Variants in FLNB observed in about 807,000 individuals in gnomAD.
FLNB encodes the protein filamin-B.
A neutral mutation model predicts 250.6 loss-of-function variants in FLNB; 111 were observed. The observed-to-expected ratio is 0.44, with a 90% confidence interval of 0.38 to 0.52. The LOEUF (loss-of-function observed/expected upper bound fraction) is 0.52. Ranked by LOEUF, FLNB falls within the 20% of genes least tolerant of loss-of-function variation. The pLI, the probability that FLNB is intolerant of heterozygous loss-of-function variation, is 0.00. For synonymous variants in FLNB, 1,302 were observed against 1,372.1 expected (o/e 0.95, Z 1.13); for missense variants, 2,869 against 3,447.8 (o/e 0.83, Z 4.20).
At chr3:58,010,180 T>C (rs1326148830) in intron 1 of FLNB, among the ~76,000 whole-genome samples, 1 of 152,130 alleles carries the variant, frequency 6.6e-6, no homozygotes, top group East Asian at 1.9e-4. Context: ...GATCTCTTCC[T>C]AAGGAGAACC....
At chr3:58,143,344 T>C (rs2097330340) in intron 31 of FLNB, 129 bp from the exon 32 acceptor site, 9 of 938,324 alleles carry the variant, frequency 9.6e-6, no homozygotes, top group Admixed American at 6.0e-5. Context: ...GGGACTTGAA[T>C]GTTTTAGGCA....
intron 5 of FLNB, 114 bp from the exon 6 acceptor site, chr3:58,096,027 G>A (rs536980145): frequency 1.0e-5 from 8 of 790,432 alleles, no homozygotes; most frequent in South Asian, 2.9e-5. Context: ...ACAGGAGCTC[G>A]CCAGCACCTT....
rs767113535 is a variant in FLNB at position 58,105,207 on chromosome 3, G to T, written c.1738G>T (p.Gly580Trp). Residue 580 changes from glycine to tryptophan, a missense_variant, in exon 11 of 46, where the codon GGG (glycine) becomes TGG (tryptophan). Transcript: ENST00000295956. ...GGTAGAATCCATTGGCTCTGAAGTGGGGTCTCTGGGTAAGTGGACACAGCT... is the reference window on the plus strand; with the variant it reads ...GGTAGAATCCATTGGCTCTGAAGTGTGGTCTCTGGGTAAGTGGACACAGCT... ...FVVESIGSEVGSLGFAIEGPS... is the reference protein window; with the variant it reads ...FVVESIGSEVWSLGFAIEGPS... 13 of 1,614,184 alleles carry T rather than the reference G, an allele frequency of 8.1e-6. No individual in the cohort carries two copies. Among genetic ancestry groups the T allele is most frequent in the Non-Finnish European group, 6.8e-6 (8 of 1,180,024 alleles).
intron 1 of FLNB, among the ~76,000 whole-genome samples, chr3:58,015,741 C>A (rs2097104858): frequency 6.6e-6 from 1 of 152,056 alleles, no homozygotes. Flanking sequence ...AGCTTCAGAT[C>A]CTGCTGTCTG....
At chr3:58,028,898 T>C (rs1264223568) in intron 1 of FLNB, among the ~76,000 whole-genome samples, 1 of 151,830 alleles carries the variant, frequency 6.6e-6, no homozygotes, top group Non-Finnish European at 1.5e-5. Flanking sequence ...TTACAGGCGA[T>C]AGCCACTGCA....
intron 1 of FLNB, among the ~76,000 whole-genome samples, chr3:58,069,846 CT>C (rs2106917865): frequency 6.6e-6 from 1 of 152,022 alleles, no homozygotes; most frequent in African/African-American, 2.4e-5. Flanking sequence ...TTTCAACCAC[CT>C]GTTAATTCAC....
At chr3:58,163,584 C>T in intron 43 of FLNB, 1 of 520,832 alleles carries the variant, frequency 1.9e-6, no homozygotes. Context: ...AGATTCCTTC[C>T]TCTGCCAAGT....
At position 58,082,068 on chromosome 3, in the gene FLNB, C is replaced by T. The variant is rs3772998; in HGVS notation, c.787+292C>T. 0.23 allele frequency among the ~76,000 whole-genome samples: 35,193 copies of T among 151,916 alleles called. 6,150 individuals are homozygous for T. Among genetic ancestry groups the T allele is most frequent in the African/African-American group, 0.47 (19,528 of 41,354 alleles). ...GAAGAGGAATCGCGGGGTAGGGAGT[C>T]GGGGGAGTTTGGTCTTGCCCCAGAT... is the stretch of plus-strand genomic sequence containing the variant. On this transcript the variant is annotated intron_variant, in intron 4 of 45. Transcript: ENST00000295956.
chr3:58,127,381 C>T (rs2097299758), intron 24 of FLNB, among the ~76,000 whole-genome samples: 2 of 151,680 alleles, frequency 1.3e-5, no homozygotes. Flanking sequence ...GTGCTTGGCT[C>T]CTTATTCATG....
At chr3:58,109,970 G>C (rs2097265729) in intron 15 of FLNB, 40 bp from the exon 16 acceptor site, 2 of 1,613,004 alleles carry the variant, frequency 1.2e-6, no homozygotes, top group East Asian at 4.5e-5. Context: ...AGGACATGCT[G>C]TTTCTTGTAA....
At position 58,014,206 on chromosome 3, in the gene FLNB, C is replaced by T. The variant is rs182679989; in HGVS notation, c.292+5350C>T. 2.0e-4 allele frequency among the ~76,000 whole-genome samples: 30 copies of T among 152,296 alleles called. 1 individual carries two copies. The Middle Eastern group carries it at 0.014, about 69-fold the overall frequency. ...ACACTGAAAGGGCATTTGAAATCAGCGCGCTCTGGGGAGAACAGCTTGGTT... is the reference window on the plus strand; with the variant it reads ...ACACTGAAAGGGCATTTGAAATCAGTGCGCTCTGGGGAGAACAGCTTGGTT... On this transcript the variant is annotated intron_variant, in intron 1 of 45. Coordinates refer to ENST00000295956, the MANE Select transcript of FLNB (RefSeq NM_001457.4).
At chr3:58,073,176 T>TTTATTTATTTATTTAC (rs879445920) in intron 1 of FLNB, among the ~76,000 whole-genome samples, 2,734 of 151,740 alleles carry the variant, frequency 0.018, 60 homozygotes, top group Non-Finnish European at 0.029. Flanking sequence ...TATTTATTTA[T>TTTATTTATTTATTTAC]TTACTTATTT....
intron 1 of FLNB, among the ~76,000 whole-genome samples, chr3:58,069,730 C>T (rs182955238): frequency 1.4e-4 from 21 of 152,246 alleles, no homozygotes; most frequent in Non-Finnish European, 2.1e-4. Context: ...TTCGCTGCAG[C>T]GTTAGGGGTC....
At position 58,135,862 on chromosome 3, in the gene FLNB, G is replaced by A. The variant is rs2097315031; in HGVS notation, c.4672-117G>A. On this transcript the variant is annotated intron_variant, in intron 27 of 45. Coordinates refer to ENST00000295956, the MANE Select transcript of FLNB (RefSeq NM_001457.4). ...ACAAAACAAAACTAGATTGTATTAA[G>A]CCATCAATTCTGTCTGTTTCCACTA... 82 of 1,036,908 alleles carry A rather than the reference G, an allele frequency of 7.9e-5. No individual in the cohort carries two copies. In the South Asian group the frequency reaches 1.1e-3, roughly 13 times the overall value. 64.2% of individuals were successfully genotyped at this position (1,036,908 alleles called of 1,614,324 possible). A position where few individuals can be genotyped will look rare whatever the true frequency, so the allele number is the denominator to read the frequency against.
Position 58,123,284 on chromosome 3 carries a change from G to A in FLNB, c.3318G>A (p.Glu1106=). Residue 1106 remains glutamate, a synonymous_variant, in exon 21 of 46, where the codon GAG becomes GAA. Transcript: ENST00000295956. ...SVSYLPTKPG[E]YFVNILFEEV... is the part of the protein sequence containing the mutation. The stretch of plus-strand genomic sequence containing the variant: ...CTTACCTTCCCACAAAACCCGGGGA[G>A]TACTTCGTCAACATCCTCTTTGAAG... 3 of 1,614,168 alleles carry A rather than the reference G, an allele frequency of 1.9e-6. No homozygotes were observed. Among genetic ancestry groups the A allele is most frequent in the South Asian group, 1.1e-5 (1 of 91,078 alleles).
chr3:58,066,061 G>T (rs943070696), intron 1 of FLNB, among the ~76,000 whole-genome samples: 1 of 152,160 alleles, frequency 6.6e-6, no homozygotes, highest in African/African-American at 2.4e-5. Context: ...TGAACTGTCA[G>T]TTGTCCAGGA....
At chr3:58,012,258 A>C (rs2106673865) in intron 1 of FLNB, among the ~76,000 whole-genome samples, 1 of 150,636 alleles carries the variant, frequency 6.6e-6, no homozygotes, top group Non-Finnish European at 1.5e-5. Flanking sequence ...TTGCACACCG[A>C]AGGGACGTTC....
At chr3:58,013,650 C>T (rs2097102027) in intron 1 of FLNB, among the ~76,000 whole-genome samples, 1 of 151,996 alleles carries the variant, frequency 6.6e-6, no homozygotes, top group South Asian at 2.1e-4. Context: ...CATGGAGAAA[C>T]CCCATCTCTA....
Position 58,071,649 on chromosome 3 carries a change from A to G in FLNB, c.293-5397A>G, listed in dbSNP as rs1292407738. On this transcript the variant is annotated intron_variant, in intron 1 of 45. Transcript: ENST00000295956. The stretch of plus-strand genomic sequence containing the variant: ...CAGCTACCTGCATTGTGGCCAAAGG[A>G]TGACCTATTCCTTCTCAGGAGGGCA... 1.4e-4 allele frequency among the ~76,000 whole-genome samples: 22 copies of G among 152,126 alleles called. 1 individual carries two copies. Among genetic ancestry groups the G allele is most frequent in the Admixed American group, 1.4e-3 (22 of 15,266 alleles).
Sources: gnomAD v4.1 joint callset for allele counts (sites outside exome capture counted in the v4.1 genomes callset) on GRCh38, gnomAD v4.1.1 for gene constraint, MANE v1.5 for transcripts, NCBI Gene and HGNC (gene_info 2026-07-23, HGNC 2026-07-21) for gene names.